The following TEX11 variants were observed in gnomAD, a reference collection of about 807,000 sequenced individuals.
The protein encoded by TEX11 is testis expressed 11.
In TEX11, 7 loss-of-function variants were observed where a neutral mutation model predicts 84.4. The observed-to-expected ratio is 0.08, with a 90% CI of 0.05 to 0.16. TEX11 has a LOEUF of 0.16. Ranked by LOEUF, TEX11 falls within the 10% of genes least tolerant of loss-of-function variation. The pLI is 1.00. For missense variants in TEX11, 551 were observed against 660.5 expected (o/e 0.83, Z 1.82); for synonymous variants, 264 against 222.8 (o/e 1.18, Z -1.64).
chrX:70,760,557 T>C (rs1249425646), intron 9 of TEX11, among the ~76,000 whole-genome samples: 2 of 111,824 alleles, frequency 1.8e-5, no homozygotes, highest in African/African-American at 3.3e-5. Context: ...GCTAGCCATA[T>C]GTAGAAAGCT....
chrX:70,825,625 A>G (rs1375598669), intron 8 of TEX11, among the ~76,000 whole-genome samples: 3 of 111,902 alleles, frequency 2.7e-5, no homozygotes, highest in Non-Finnish European at 5.6e-5. Flanking sequence ...TTACATTCTT[A>G]AAGGATCTTT....
intron 5 of TEX11, among the ~76,000 whole-genome samples, chrX:70,854,984 G>T: frequency 9.1e-6 from 1 of 110,068 alleles, no homozygotes; most frequent in Non-Finnish European, 1.9e-5. Context: ...GGGTGCCAAG[G>T]TTGCAGTGAG....
At chrX:70,617,367 T>C (rs1257732765) in intron 20 of TEX11, among the ~76,000 whole-genome samples, 2 of 106,641 alleles carry the variant, frequency 1.9e-5, no homozygotes, top group African/African-American at 3.4e-5. Flanking sequence ...TCATTATATA[T>C]ACATATATAT....
intron 2 of TEX11, among the ~76,000 whole-genome samples, chrX:70,898,480 A>G (rs1171801897): frequency 1.8e-5 from 2 of 112,409 alleles, no homozygotes; most frequent in African/African-American, 3.2e-5. Flanking sequence ...AAGCATAAGC[A>G]GTTATGTATG....
intron 13 of TEX11, among the ~76,000 whole-genome samples, chrX:70,698,533 A>G (rs1156964063): frequency 9.1e-6 from 1 of 109,820 alleles, no homozygotes; most frequent in Non-Finnish European, 1.9e-5. Flanking sequence ...CAGCAAAAAA[A>G]AAAAACACCC....
chrX:70,826,285 T>C lies in TEX11; in HGVS notation c.606+7228A>G, dbSNP rs1274194093. On this transcript the variant is annotated intron_variant, in intron 8 of 29. Coordinates refer to ENST00000374333, the MANE Select transcript of TEX11 (RefSeq NM_031276.3). ...AAGACTGTGCCATTGCACTCCAGCC[T>C]GGGCAACAAGAGCGAAACTCCTTGT... Among the ~76,000 whole-genome samples, 17 of 96,210 alleles carry C rather than the reference T, an allele frequency of 1.8e-4. 1 individual carries two copies. The Admixed American group carries it at 1.9e-3, about 11-fold the overall frequency. 83.5% of individuals were successfully genotyped at this position (96,210 alleles called of 115,157 possible). A position where few individuals can be genotyped will look rare whatever the true frequency, so the allele number is the denominator to read the frequency against.
chrX:70,562,302 T>G (rs1206402592), intron 25 of TEX11, among the ~76,000 whole-genome samples: 1 of 111,815 alleles, frequency 8.9e-6, no homozygotes, highest in Admixed American at 9.5e-5. Context: ...AATTTTTTAG[T>G]GTTATACCCC....
intron 25 of TEX11, among the ~76,000 whole-genome samples, chrX:70,562,640 A>T (rs1432864557): frequency 8.9e-6 from 1 of 112,114 alleles, no homozygotes; most frequent in African/African-American, 3.2e-5. Context: ...TCTGAATTCC[A>T]TCTGGGATTC....
At chrX:70,541,513 G>A (rs1282737930) in intron 28 of TEX11, among the ~76,000 whole-genome samples, 1 of 111,797 alleles carries the variant, frequency 8.9e-6, no homozygotes, top group East Asian at 2.8e-4. Flanking sequence ...TGAGCACTTT[G>A]GGAGGCCAAG....
chrX:70,728,373 C>A (rs1488781468), intron 11 of TEX11, among the ~76,000 whole-genome samples: 3 of 113,162 alleles, frequency 2.7e-5, no homozygotes, highest in Non-Finnish European at 3.7e-5. Flanking sequence ...GGCATCGCCT[C>A]ACCAGGGAAG....
chrX:70,896,694 A>G (rs1222735787), intron 2 of TEX11, among the ~76,000 whole-genome samples: 1 of 111,751 alleles, frequency 8.9e-6, no homozygotes, highest in Non-Finnish European at 1.9e-5. Context: ...CAGTCATAAA[A>G]AAAGAATGAG....
intron 9 of TEX11, among the ~76,000 whole-genome samples, chrX:70,804,971 C>CA: frequency 1.5e-5 from 1 of 68,199 alleles, no homozygotes; most frequent in African/African-American, 6.8e-5. Flanking sequence ...CACCAGCATC[C>CA]TTTTTTTTTT....
chrX:70,529,338 A>G (rs1388992942), intron 29 of TEX11, 151 bp from the exon 30 acceptor site: 2 of 441,744 alleles, frequency 4.5e-6, no homozygotes, highest in African/African-American at 4.9e-5. Flanking sequence ...TCCTCTCTTG[A>G]GGAAAAGGAA....
Position 70,529,829 on chromosome X carries a change from C to G in TEX11, c.2685+6G>C. The G allele has an allele frequency of 8.3e-7, 1 of 1,205,130 alleles. No homozygotes were observed. The highest frequency in any genetic ancestry group is 1.1e-6 in the Non-Finnish European group (1 of 892,135). ...TGTCATCTGCCCTAGCCCTCTCCCT[C>G]CTTACCTGAGTTTCATAGCTTTCCT... On this transcript the variant is annotated splice_donor_region_variant and intron_variant, in intron 29 of 29. Coordinates refer to ENST00000374333, the MANE Select transcript of TEX11 (RefSeq NM_031276.3).
intron 13 of TEX11, among the ~76,000 whole-genome samples, chrX:70,708,697 C>T (rs1190790551): frequency 9.0e-6 from 1 of 111,103 alleles, no homozygotes; most frequent in African/African-American, 3.3e-5. Context: ...AAAACAGGAA[C>T]AGAAAACCAA....
At chrX:70,872,243 G>A (rs2091633494) in intron 4 of TEX11, among the ~76,000 whole-genome samples, 1 of 112,045 alleles carries the variant, frequency 8.9e-6, no homozygotes, top group South Asian at 3.7e-4. Context: ...GCTCCTGGGA[G>A]CAATGATATC....
At chrX:70,598,348 A>T (rs1241946976) in intron 24 of TEX11, among the ~76,000 whole-genome samples, 1 of 112,005 alleles carries the variant, frequency 8.9e-6, no homozygotes, top group Non-Finnish European at 1.9e-5. Context: ...GGCTATAATT[A>T]AAAAGATATA....
At chrX:70,865,394 C>T (rs902076274) in intron 4 of TEX11, among the ~76,000 whole-genome samples, 1 of 111,598 alleles carries the variant, frequency 9.0e-6, no homozygotes, top group African/African-American at 3.3e-5. Context: ...ATTCATAAAG[C>T]AAGTTCTTAG....
At chrX:70,611,706 G>A (rs1024973626) in intron 20 of TEX11, among the ~76,000 whole-genome samples, 1 of 111,287 alleles carries the variant, frequency 9.0e-6, no homozygotes, top group Non-Finnish European at 1.9e-5. Flanking sequence ...AACTGATCTC[G>A]GAGAAGGGAA....
Sources: allele counts gnomAD v4.1 joint callset (sites outside exome capture counted in the v4.1 genomes callset), GRCh38; gene constraint gnomAD v4.1.1; transcripts MANE v1.5; gene names NCBI Gene and HGNC (gene_info 2026-07-23, HGNC 2026-07-21).